The following AKR1C3 variants were observed in gnomAD, a reference collection of about 807,000 sequenced individuals.
AKR1C3 encodes aldo-keto reductase family 1 member C3.
A neutral mutation model predicts 43.6 loss-of-function variants in AKR1C3; 48 were observed. The ratio of observed to expected loss-of-function variants is 1.10; its 90% confidence interval spans 0.87 to 1.40. AKR1C3 has a LOEUF of 1.40. AKR1C3 is among the 40% of genes most tolerant of loss of function. The probability of loss-of-function intolerance (pLI) is 0.00; values close to 1 mark genes in which losing one functional copy is unlikely to be tolerated. For missense variants in AKR1C3, 482 were observed against 391.2 expected (o/e 1.23, Z -1.96); for synonymous variants, 162 against 139.6 (o/e 1.16, Z -1.13).
intron 1 of AKR1C3, among the ~76,000 whole-genome samples, chr10:5,065,304 CAT>C (rs1246080116): frequency 6.6e-6 from 1 of 152,170 alleles, no homozygotes; most frequent in African/African-American, 2.4e-5. Flanking sequence ...CACGTGCATG[CAT>C]ATGTTCATTG....
intron 1 of AKR1C3, among the ~76,000 whole-genome samples, chr10:5,070,716 G>A (rs1396190171): frequency 2.6e-5 from 4 of 152,186 alleles, no homozygotes; most frequent in African/African-American, 9.7e-5. Flanking sequence ...AAGAGAGAGT[G>A]CTTGTCCCTT....
rs782362799 is a variant in AKR1C3 at position 5,048,839 on chromosome 10, C to T, written c.28C>T (p.Leu10=). 352 of 1,613,936 alleles carry T rather than the reference C, an allele frequency of 2.2e-4. 1 individual carries two copies. The highest frequency in any genetic ancestry group is 4.4e-4 in the South Asian group (40 of 91,058). Residue 10 remains leucine (L), a synonymous_variant, in exon 1 of 9, where the codon CTA becomes TTA. Coordinates refer to the AKR1C3 transcript ENST00000439082. ...GGATTCAAAACATCAGTGTTTGAAG[C>T]TAAATGATGGTCACTTCATGCCTGT...
At position 5,075,767 on chromosome 10, in the gene AKR1C3, G is replaced by A. The variant is rs138413030; in HGVS notation, c.85-20643G>A. On this transcript the variant is annotated intron_variant, in intron 1 of 8. Coordinates refer to the AKR1C3 transcript ENST00000439082. ...TGCATGCCTCCTATCCCACCTACTC[G>A]GGAGGCTGAGGCAGGAGAATCACTT... Among the ~76,000 whole-genome samples, 262 of 152,164 alleles carry A rather than the reference G, an allele frequency of 1.7e-3. 1 individual carries two copies. The highest frequency in any genetic ancestry group is 6.0e-3 in the African/African-American group (250 of 41,492).
At chr10:5,095,554 A>C (rs1839185936) in intron 1 of AKR1C3, among the ~76,000 whole-genome samples, 1 of 152,040 alleles carries the variant, frequency 6.6e-6, no homozygotes, top group African/African-American at 2.4e-5. Flanking sequence ...AATTTCAACG[A>C]AACAAGAAAG....
At chr10:5,098,904 A>T (rs369355206) in intron 4 of AKR1C3, 25 bp downstream of exon 4, 200 of 1,566,506 alleles carry the variant, frequency 1.3e-4, no homozygotes, top group Non-Finnish European at 1.7e-4. Flanking sequence ...GAGAGGACAC[A>T]GAGAAGGATG....
At chr10:5,096,206 C>T in intron 1 of AKR1C3, 1 of 540,688 alleles carries the variant, frequency 1.8e-6, no homozygotes, top group Non-Finnish European at 3.2e-6. Context: ...AGTGATCAAC[C>T]AGAGATTGCC....
At chr10:5,096,663 TG>T in intron 2 of AKR1C3, 86 bp downstream of exon 2, 1 of 1,465,864 alleles carries the variant, frequency 6.8e-7, no homozygotes, top group Non-Finnish European at 9.0e-7. Context: ...TGAGTAGTTG[TG>T]GGTGAATTTT....
intron 4 of AKR1C3, 100 bp from the exon 5 acceptor site, chr10:5,099,227 G>A: frequency 6.4e-7 from 1 of 1,564,986 alleles, no homozygotes; most frequent in Non-Finnish European, 8.7e-7. Flanking sequence ...TATTTTCATT[G>A]TCATACTTTG....
chr10:5,076,178 CT>C (rs1328264595), intron 1 of AKR1C3, among the ~76,000 whole-genome samples: 2 of 152,124 alleles, frequency 1.3e-5, no homozygotes, highest in African/African-American at 2.4e-5. Flanking sequence ...TAGTTGTGTC[CT>C]AGGAAATTAA....
intron 5 of AKR1C3, among the ~76,000 whole-genome samples, chr10:5,100,956 G>A (rs1254002775): frequency 6.6e-6 from 1 of 152,070 alleles, no homozygotes; most frequent in African/African-American, 2.4e-5. Context: ...AAAATAAATT[G>A]GAAAGATGAC....
At position 5,083,230 on chromosome 10, in the gene AKR1C3, C is replaced by G. The variant is rs144300672; in HGVS notation, c.85-13180C>G. On this transcript the variant is annotated intron_variant, in intron 1 of 8. Coordinates refer to the AKR1C3 transcript ENST00000439082. ...TCCTAATGCTATCCCTCCCGACTCCCCCCACCCCACAACAGTCCCCCAGAG... is the reference window on the plus strand; with the variant it reads ...TCCTAATGCTATCCCTCCCGACTCCGCCCACCCCACAACAGTCCCCCAGAG... Among the ~76,000 whole-genome samples, 736 of 152,192 alleles carry G rather than the reference C, an allele frequency of 4.8e-3. 10 individuals carry two copies. Among genetic ancestry groups the G allele is most frequent in the African/African-American group, 0.017 (697 of 41,496 alleles).
chr10:5,085,351 T>C (rs1435313413), intron 1 of AKR1C3, among the ~76,000 whole-genome samples: 2 of 152,062 alleles, frequency 1.3e-5, no homozygotes, highest in East Asian at 3.8e-4. Flanking sequence ...TTTTTGTCTT[T>C]GGTTCTGTTT....
At chr10:5,052,673 C>T (rs72472173) in intron 1 of AKR1C3, among the ~76,000 whole-genome samples, 18 of 152,068 alleles carry the variant, frequency 1.2e-4, no homozygotes, top group South Asian at 1.0e-3. Flanking sequence ...TACAGAGTGC[C>T]GATTGGTATA....
At chr10:5,062,921 T>C (rs782295402) in intron 1 of AKR1C3, among the ~76,000 whole-genome samples, 2 of 151,968 alleles carry the variant, frequency 1.3e-5, no homozygotes, top group Non-Finnish European at 2.9e-5. Flanking sequence ...CACTTGGTTT[T>C]TAGGAACACT....
chr10:5,059,812 A>G (rs1348895841), intron 1 of AKR1C3, among the ~76,000 whole-genome samples: 3 of 152,136 alleles, frequency 2.0e-5, no homozygotes, highest in Non-Finnish European at 4.4e-5. Flanking sequence ...CCCCTTGGCA[A>G]TAGGTGATGG....
At chr10:5,103,802 C>T (rs1255366455) in intron 7 of AKR1C3, among the ~76,000 whole-genome samples, 1 of 152,164 alleles carries the variant, frequency 6.6e-6, no homozygotes, top group Non-Finnish European at 1.5e-5. Context: ...GGTAAACAGA[C>T]ACCACCACTT....
intron 1 of AKR1C3, among the ~76,000 whole-genome samples, chr10:5,072,981 C>T (rs549172154): frequency 7.2e-5 from 11 of 152,058 alleles, no homozygotes; most frequent in South Asian, 2.1e-4. Context: ...TATTTATTTT[C>T]GAGACAGAGT....
intron 1 of AKR1C3, among the ~76,000 whole-genome samples, chr10:5,088,609 A>C (rs1554783607): frequency 6.6e-6 from 1 of 151,488 alleles, no homozygotes; most frequent in Non-Finnish European, 1.5e-5. Flanking sequence ...CATTGGTATA[A>C]AAGTCTGTTT....
intron 1 of AKR1C3, among the ~76,000 whole-genome samples, chr10:5,075,933 G>A (rs1838708373): frequency 6.6e-6 from 1 of 150,976 alleles, no homozygotes. Flanking sequence ...TTACTAGGGG[G>A]GCTCTAGAGA....
Sources: allele counts gnomAD v4.1 joint callset (sites outside exome capture counted in the v4.1 genomes callset), GRCh38; gene constraint gnomAD v4.1.1; transcripts MANE v1.5; gene names NCBI Gene and HGNC (gene_info 2026-07-23, HGNC 2026-07-21).